The following SNRPA variants were observed in gnomAD, a reference collection of about 807,000 sequenced individuals.
The protein encoded by SNRPA is U1 small nuclear ribonucleoprotein A.
SNRPA carries 10 observed loss-of-function variants against 24.5 expected under a neutral mutation model. That is an observed-to-expected ratio of 0.41 (90% CI 0.25 to 0.69). SNRPA has a LOEUF of 0.69. Among genes scored for constraint, SNRPA ranks in the 30% least tolerant of loss-of-function variants. The pLI is 0.33. For synonymous variants in SNRPA, 165 were observed against 148.4 expected, an observed-to-expected ratio of 1.11 and a Z score of -0.81; for missense variants, 283 against 394.7, an observed-to-expected ratio of 0.72 and a Z score of 2.40.
chr19:40,756,004 ACT>A (rs946909813), intron 1 of SNRPA, among the ~76,000 whole-genome samples: 3 of 152,012 alleles, frequency 2.0e-5, no homozygotes, highest in African/African-American at 7.3e-5. Context: ...GGGTGCGATG[ACT>A]CATGCCTGTA....
chr19:40,754,256 C>A (rs1482148550), intron 1 of SNRPA, among the ~76,000 whole-genome samples: 3 of 152,098 alleles, frequency 2.0e-5, no homozygotes, highest in African/African-American at 4.8e-5. Context: ...GCACCTGCTA[C>A]CACGCTTGGC....
At chr19:40,757,547 T>TTA in intron 2 of SNRPA, 43 bp downstream of exon 2, 1 of 1,550,958 alleles carries the variant, frequency 6.4e-7, no homozygotes, top group Non-Finnish European at 8.7e-7. Context: ...GTGTAAAATG[T>TTA]TATAGGAGAC....
intron 1 of SNRPA, among the ~76,000 whole-genome samples, chr19:40,751,708 G>C (rs1194703754): frequency 6.6e-6 from 1 of 152,138 alleles, no homozygotes; most frequent in Non-Finnish European, 1.5e-5. Flanking sequence ...GAGGTCACAG[G>C]ACCCTTCCTC....
Position 40,751,305 on chromosome 19 carries a change from G to A in SNRPA, c.-104G>A. ...CCCGCCTTACCTGACTTCCTTTTCG[G>A]AGGAAGATCCTTGAGCAGCCGACGT... On this transcript the variant is annotated 5_prime_UTR_variant, in exon 1 of 6. Transcript: ENST00000243563. 1 of 870,434 alleles carries A rather than the reference G, an allele frequency of 1.1e-6. No individual in the cohort carries two copies. The highest frequency in any genetic ancestry group is 1.3e-5 in the South Asian group (1 of 74,572). The allele number at this position is 870,434 out of a possible 1,614,324, so 53.9% of individuals were successfully genotyped here. A position where few individuals can be genotyped will look rare whatever the true frequency, so the allele number is the denominator to read the frequency against.
intron 1 of SNRPA, among the ~76,000 whole-genome samples, chr19:40,753,384 G>GTTTTTTTT (rs746525368): frequency 0.012 from 471 of 38,382 alleles, 57 homozygotes; most frequent in Middle Eastern, 0.036. Context: ...TTTTGCATAT[G>GTTTTTTTT]TTTTTTTTTT....
intron 2 of SNRPA, among the ~76,000 whole-genome samples, chr19:40,759,159 C>T (rs1406820585): frequency 1.4e-4 from 21 of 149,122 alleles, no homozygotes; most frequent in Non-Finnish European, 3.1e-4. Flanking sequence ...CAGCTGAGAT[C>T]TCATCACTGC....
Position 40,751,231 on chromosome 19 carries a change from T to TC in SNRPA, c.-176dup. 3.1e-6 allele frequency: 2 copies of TC among 638,128 alleles called. No individual in the cohort carries two copies. The highest frequency in any genetic ancestry group is 5.7e-6 in the Non-Finnish European group (2 of 349,736). 39.5% of individuals were successfully genotyped at this position (638,128 alleles called of 1,614,324 possible). A position where few individuals can be genotyped will look rare whatever the true frequency, so the allele number is the denominator to read the frequency against. ...TCCGCACGCGGGCTGGAGAAGCGGGTCCTACGCACGCTTTGTTGTCGCGCT... is the reference window on the plus strand; with the variant it reads ...TCCGCACGCGGGCTGGAGAAGCGGGTCCCTACGCACGCTTTGTTGTCGCGCT... On this transcript the variant is annotated 5_prime_UTR_variant, in exon 1 of 6. Transcript: ENST00000243563.
At position 40,759,587 on chromosome 19, in the gene SNRPA, G is replaced by A. The variant is rs1158032963; in HGVS notation, c.403G>A (p.Gly135Arg). 2 of 1,612,166 alleles carry A rather than the reference G, an allele frequency of 1.2e-6. No homozygotes were observed. The highest frequency in any genetic ancestry group is 3.4e-5 in the Admixed American group (2 of 59,440). ...AGGCGGGGGAGCCACCCCCGTGGTG[G>A]GGGCTGTCCAGGGGCCTGTCCCGGT... ...VQGGGATPVV[G>R]AVQGPVPGMP... is the part of the protein sequence containing the mutation. Residue 135 changes from glycine to arginine, a missense_variant, in exon 3 of 6, where the codon GGG (glycine) becomes AGG (arginine). Coordinates refer to ENST00000243563, the MANE Select transcript of SNRPA (RefSeq NM_004596.5).
chr19:40,759,410 G>C (rs377608713), intron 2 of SNRPA, 21 bp from the exon 3 acceptor site: 3 of 1,601,610 alleles, frequency 1.9e-6, no homozygotes, highest in African/African-American at 2.7e-5. Context: ...CTCTTAACCC[G>C]TTCTGCTCTC....
chr19:40,757,874 A>G (rs897995341), intron 2 of SNRPA, among the ~76,000 whole-genome samples: 2 of 151,572 alleles, frequency 1.3e-5, no homozygotes, highest in African/African-American at 2.4e-5. Flanking sequence ...CCCGGGAGGC[A>G]GAGATTGCAG....
chr19:40,762,012 G>A (rs1297473631), intron 3 of SNRPA, among the ~76,000 whole-genome samples: 1 of 152,060 alleles, frequency 6.6e-6, no homozygotes, highest in Non-Finnish European at 1.5e-5. Context: ...CTCCAAGTTG[G>A]TGATGGTGTC....
intron 3 of SNRPA, 106 bp downstream of exon 3, chr19:40,759,716 C>T (rs1352770014): frequency 1.0e-6 from 1 of 969,188 alleles, no homozygotes; most frequent in South Asian, 1.8e-5. Flanking sequence ...GGGCTTCAGA[C>T]CCCTCCTTTC....
At position 40,759,891 on chromosome 19, in the gene SNRPA, C is replaced by T. The variant is rs929710431; in HGVS notation, c.426+281C>T. Among the ~76,000 whole-genome samples, 6 of 152,136 alleles carry T rather than the reference C, an allele frequency of 3.9e-5. No individual in the cohort carries two copies. In the East Asian group the frequency reaches 5.8e-4, roughly 15 times the overall value. The stretch of plus-strand genomic sequence containing the variant: ...GCTCTCTCCGTGGCCTTGATTTTGT[C>T]GCCTGTGTCTTGTAACTCATTGTGC... On this transcript the variant is annotated intron_variant, in intron 3 of 5. Coordinates refer to ENST00000243563, the MANE Select transcript of SNRPA (RefSeq NM_004596.5).
intron 1 of SNRPA, among the ~76,000 whole-genome samples, chr19:40,753,728 A>G (rs1465179405): frequency 6.6e-6 from 1 of 151,560 alleles, no homozygotes; most frequent in Non-Finnish European, 1.5e-5. Context: ...GTGCCCAACC[A>G]TTATCGGGCA....
rs1224036266 is a variant in SNRPA at position 40,763,577 on chromosome 19, A to G, written c.601-10A>G. The G allele has an allele frequency of 2.5e-6, 4 of 1,612,996 alleles. 1 individual carries two copies. Among genetic ancestry groups the G allele is most frequent in the Admixed American group, 3.3e-5 (2 of 59,970 alleles). On this transcript the variant is annotated splice_polypyrimidine_tract_variant and intron_variant, in intron 4 of 5. Transcript: ENST00000243563. ...CTCTTGTGCTCACCGACTCCCCTAT[A>G]CCCCCGCAGCTTTCTGAGAATCCAC...
In SNRPA at chr19:40,756,596, C is replaced by CAA. The variant is rs916818115; in HGVS notation, c.74-719_74-718dup. Among the ~76,000 whole-genome samples the CAA allele has an allele frequency of 7.1e-3, 544 of 76,614 alleles. 3 individuals carry two copies. Among genetic ancestry groups the CAA allele is most frequent in the African/African-American group, 0.02 (459 of 22,426 alleles). The allele number at this position is 76,614 out of a possible 152,430, so 50.3% of individuals were successfully genotyped here. A position where few individuals can be genotyped will look rare whatever the true frequency, so the allele number is the denominator to read the frequency against. On this transcript the variant is annotated intron_variant, in intron 1 of 5. Coordinates refer to ENST00000243563, the MANE Select transcript of SNRPA (RefSeq NM_004596.5). ...GGGTGACAAAGTGAGACCTTGTCAC[C>CAA]AAAAAAAAAAAAAAAAAATTGTGGT... is the stretch of plus-strand genomic sequence containing the variant.
intron 1 of SNRPA, 127 bp from the exon 2 acceptor site, chr19:40,757,205 G>A (rs1378617770): frequency 1.2e-6 from 1 of 810,402 alleles, no homozygotes; most frequent in Non-Finnish European, 2.0e-6. Context: ...TTCTGTGATT[G>A]TTAGGTCTTG....
chr19:40,759,294 C>T (rs1045825326), intron 2 of SNRPA, 137 bp from the exon 3 acceptor site: 16 of 733,574 alleles, frequency 2.2e-5, no homozygotes, highest in African/African-American at 1.7e-4. Flanking sequence ...AAGTGATCTG[C>T]TCGCTTTAGC....
At chr19:40,760,787 T>C (rs971016956) in intron 3 of SNRPA, among the ~76,000 whole-genome samples, 11 of 151,866 alleles carry the variant, frequency 7.2e-5, no homozygotes, top group African/African-American at 2.7e-4. Context: ...AAAAATAAAA[T>C]AGAAAACTGG....
Sources: gnomAD v4.1 joint callset for allele counts (sites outside exome capture counted in the v4.1 genomes callset) on GRCh38, gnomAD v4.1.1 for gene constraint, MANE v1.5 for transcripts, NCBI Gene and HGNC (gene_info 2026-07-23, HGNC 2026-07-21) for gene names.